ITCH: variants seen among roughly 807,000 people sequenced by gnomAD.
ITCH encodes the protein itchy E3 ubiquitin protein ligase.
Under a neutral mutation model 126.8 loss-of-function variants are expected in ITCH, and 28 were observed. That is an observed-to-expected ratio of 0.22 (90% CI 0.16 to 0.30). The LOEUF (loss-of-function observed/expected upper bound fraction) is 0.30. Among genes scored for constraint, ITCH ranks in the 10% least tolerant of loss-of-function variants. The pLI is 1.00. For synonymous variants in ITCH, 342 were observed against 340.0 expected (o/e 1.01, Z -0.06); for missense variants, 631 against 1,032.4 (o/e 0.61, Z 5.33).
At chr20:34,456,302 G>A (rs1310936422) in intron 12 of ITCH, among the ~76,000 whole-genome samples, 3 of 126,056 alleles carry the variant, frequency 2.4e-5, no homozygotes, top group African/African-American at 9.0e-5. Flanking sequence ...TCAGCTCACT[G>A]CAGTCTTGAC....
chr20:34,471,515 G>A lies in ITCH; in HGVS notation c.1569G>A (p.Gln523=). Residue 523 remains glutamine (Q), a splice_region_variant and synonymous_variant, in exon 16 of 25, where the codon CAG becomes CAA. Coordinates refer to ENST00000374864, the MANE Select transcript of ITCH (RefSeq NM_031483.7). Reference sequence around the variant, plus strand: ...CATTGTTTGAGGATTCCTTTCAACAGGTACTGTTTCATTCTCTCAATAATT... The same window carrying A: ...CATTGTTTGAGGATTCCTTTCAACAAGTACTGTTTCATTCTCTCAATAATT... The part of the protein sequence containing the change: ...RKTLFEDSFQ[Q]IMSFSPQDLR... The A allele has an allele frequency of 1.9e-6, 3 of 1,578,018 alleles. No homozygotes were observed. The highest frequency in any genetic ancestry group is 2.6e-6 in the Non-Finnish European group (3 of 1,147,072).
intron 7 of ITCH, among the ~76,000 whole-genome samples, chr20:34,437,600 C>T (rs1168694676): frequency 6.6e-6 from 1 of 152,214 alleles, no homozygotes; most frequent in Non-Finnish European, 1.5e-5. Flanking sequence ...AGCCACAGCA[C>T]CCGGCCTCTG....
intron 2 of ITCH, among the ~76,000 whole-genome samples, chr20:34,392,652 A>C (rs2038527466): frequency 6.6e-6 from 1 of 152,244 alleles, no homozygotes. Flanking sequence ...TACTTCTTCC[A>C]TAGTGCCTGG....
chr20:34,503,884 G>GTTTTTTTTTTTTTTT (rs148915356), intron 23 of ITCH, among the ~76,000 whole-genome samples: 1 of 96,812 alleles, frequency 1.0e-5, no homozygotes. Flanking sequence ...TTTTTTTTTT[G>GTTTTTTTTTTTTTTT]GTTTTTTTTT....
intron 12 of ITCH, among the ~76,000 whole-genome samples, chr20:34,454,810 T>C (rs1985706124): frequency 6.9e-6 from 1 of 144,212 alleles, no homozygotes; most frequent in South Asian, 2.2e-4. Context: ...TTCTTTTTTC[T>C]TTTCCTGTTT....
intron 1 of ITCH, among the ~76,000 whole-genome samples, chr20:34,365,154 C>G (rs1407712614): frequency 6.6e-6 from 1 of 151,732 alleles, no homozygotes; most frequent in Non-Finnish European, 1.5e-5. Context: ...GAGCTGTTAC[C>G]GTTGCCACTG....
At chr20:34,441,616 C>G (rs1983765461) in intron 9 of ITCH, 1 of 117,244 alleles carries the variant, frequency 8.5e-6, no homozygotes, top group African/African-American at 3.7e-5. Context: ...GATGGAGTCT[C>G]ACTCTATTGT....
Position 34,413,837 on chromosome 20 carries a change from G to C in ITCH, c.433G>C (p.Glu145Gln), listed in dbSNP as rs202036043. 1.2e-5 allele frequency: 20 copies of C among 1,613,756 alleles called. No homozygotes were observed. The highest frequency in any genetic ancestry group is 1.5e-5 in the Non-Finnish European group (18 of 1,179,798). ...AATTTGTCTTGATGGGCTACAGTTA[G>C]AGTCTGAAGTTGTTACCAATGGTGA... is the stretch of plus-strand genomic sequence containing the variant. ...LSICLDGLQL[E>Q]SEVVTNGETT... Residue 145 changes from glutamate to glutamine, a missense_variant, in exon 6 of 25, where the codon GAG (glutamate) becomes CAG (glutamine). Glu to Gln is a conservative substitution (Grantham distance 29). Around this residue, in one of 4 missense-constraint regions of ITCH, gnomAD observed 220 missense variants for 265.7 expected, o/e 0.83. Coordinates refer to ENST00000374864, the MANE Select transcript of ITCH (RefSeq NM_031483.7).
chr20:34,459,757 A>G (rs1986337690), intron 13 of ITCH, among the ~76,000 whole-genome samples: 1 of 152,192 alleles, frequency 6.6e-6, no homozygotes, highest in African/African-American at 2.4e-5. Context: ...ACTAAAAATA[A>G]ATAAAAAAAG....
At chr20:34,373,679 A>G (rs2037727573) in intron 2 of ITCH, among the ~76,000 whole-genome samples, 2 of 152,100 alleles carry the variant, frequency 1.3e-5, no homozygotes, top group South Asian at 2.1e-4. Context: ...ATGTCTGGAA[A>G]TTGCTTACCC....
At chr20:34,477,980 T>C in intron 17 of ITCH, 120 bp downstream of exon 17, 2 of 1,285,142 alleles carry the variant, frequency 1.6e-6, no homozygotes, top group Non-Finnish European at 2.2e-6. Context: ...TGTCAAATTA[T>C]TATACCTTTA....
At chr20:34,494,328 T>C (rs1473920576) in intron 23 of ITCH, among the ~76,000 whole-genome samples, 1 of 152,112 alleles carries the variant, frequency 6.6e-6, no homozygotes, top group Non-Finnish European at 1.5e-5. Context: ...GAGAAGCAAT[T>C]AGAAGGAATT....
At chr20:34,447,319 A>G (rs1476608774) in intron 11 of ITCH, among the ~76,000 whole-genome samples, 1 of 152,146 alleles carries the variant, frequency 6.6e-6, no homozygotes, top group African/African-American at 2.4e-5. Flanking sequence ...TAAACAGCCT[A>G]TTTTAGTTAA....
rs538884876 is a variant in ITCH, at chr20:34,391,675, G to GT, written c.-21-2115dup. 2.6e-5 allele frequency among the ~76,000 whole-genome samples: 4 copies of GT among 152,168 alleles called. No homozygotes were observed. In the South Asian group the frequency reaches 8.3e-4, roughly 32 times the overall value. ...GGTGAATTTTAGTTATGTAAAACTA[G>GT]TATGTATATGTACATAAATTATTGA... is the stretch of plus-strand genomic sequence containing the variant. On this transcript the variant is annotated intron_variant, in intron 2 of 24. Transcript: ENST00000374864.
In ITCH at chr20:34,499,272, C is replaced by CATT. The variant is rs1990091471; in HGVS notation, c.2417-5059_2417-5058insATT. The stretch of plus-strand genomic sequence containing the variant: ...TACAGGCGTGAGCCACTGTGCCCAG[C>CATT]TTTTTTTTTTTTTTTTTTTTTTTTT... On this transcript the variant is annotated intron_variant, in intron 23 of 24. Transcript: ENST00000374864. 3.0e-4 allele frequency among the ~76,000 whole-genome samples: 7 copies of CATT among 23,010 alleles called. No individual in the cohort carries two copies. The South Asian group carries it at 0.016, about 54-fold the overall frequency. The allele number at this position is 23,010 out of a possible 152,430, so 15.1% of individuals were successfully genotyped here.
At chr20:34,416,026 G>T (rs1979787501) in intron 6 of ITCH, among the ~76,000 whole-genome samples, 1 of 152,016 alleles carries the variant, frequency 6.6e-6, no homozygotes, top group Non-Finnish European at 1.5e-5. Context: ...AGAGGCTGAG[G>T]CAGGAGAATC....
intron 23 of ITCH, among the ~76,000 whole-genome samples, chr20:34,495,512 A>G (rs1253818877): frequency 6.6e-6 from 1 of 151,772 alleles, no homozygotes; most frequent in Non-Finnish European, 1.5e-5. Flanking sequence ...CGGCTTTCTT[A>G]GCTTTCACGA....
At chr20:34,383,783 C>T (rs142469432) in intron 2 of ITCH, among the ~76,000 whole-genome samples, 130 of 151,218 alleles carry the variant, frequency 8.6e-4, no homozygotes, top group African/African-American at 2.7e-3. Flanking sequence ...CTCACCTTAG[C>T]CTCCCAAAGT....
intron 17 of ITCH, 55 bp downstream of exon 17, chr20:34,477,915 G>A: frequency 6.2e-7 from 1 of 1,604,580 alleles, no homozygotes; most frequent in Non-Finnish European, 8.5e-7. Flanking sequence ...AGGTACCATT[G>A]CACTTCGCTT....
Sources: allele counts gnomAD v4.1 joint callset (sites outside exome capture counted in the v4.1 genomes callset), GRCh38; gene constraint gnomAD v4.1.1; regional missense constraint gnomAD v4.1.1; transcripts MANE v1.5; gene names NCBI Gene and HGNC (gene_info 2026-07-23, HGNC 2026-07-21).